Variants in DLC1 observed in about 807,000 individuals in gnomAD.
DLC1 encodes DLC1 Rho GTPase activating protein, also known as rho GTPase-activating protein 7.
Under a neutral mutation model 140.3 loss-of-function variants are expected in DLC1, and 54 were observed. That is an observed-to-expected ratio of 0.38 (90% CI 0.31 to 0.48). DLC1 has a LOEUF of 0.48. Among genes scored for constraint, DLC1 ranks in the 20% least tolerant of loss-of-function variants. The probability of loss-of-function intolerance (pLI) is 0.96; values close to 1 mark genes in which losing one functional copy is unlikely to be tolerated. For synonymous variants in DLC1, 986 were observed against 728.1 expected, an observed-to-expected ratio of 1.35 and a Z score of -5.70; for missense variants, 2,536 against 1,907.0, an observed-to-expected ratio of 1.33 and a Z score of -6.14.
At chr8:13,601,738 A>T (rs1293733566) in intron 1 of DLC1, among the ~76,000 whole-genome samples, 1 of 151,726 alleles carries the variant, frequency 6.6e-6, no homozygotes, top group South Asian at 2.1e-4. Flanking sequence ...TTTCTAAAAA[A>T]CCTGAGACAA....
In DLC1 at chr8:13,541,606, G is replaced by T. The variant is rs559423745; in HGVS notation, c.-125-41410C>A. 7.2e-5 allele frequency among the ~76,000 whole-genome samples: 11 copies of T among 152,280 alleles called. No individual in the cohort carries two copies. The South Asian group carries it at 2.3e-3, about 32-fold the overall frequency. On this transcript the variant is annotated intron_variant, in intron 1 of 1. Coordinates refer to the DLC1 transcript ENST00000631382. ...ACTCTGTCGCCAAGGCTGGTGTGCA[G>T]TGGCGCGATCTCGGCTCACTGCAAG...
intron 16 of DLC1, among the ~76,000 whole-genome samples, chr8:13,088,216 A>G (rs56728281): frequency 6.6e-6 from 1 of 152,172 alleles, no homozygotes; most frequent in Non-Finnish European, 1.5e-5. Flanking sequence ...AGTAGCTAGG[A>G]CTACAGGCAT....
intron 4 of DLC1, among the ~76,000 whole-genome samples, chr8:13,381,402 C>A (rs957910932): frequency 1.3e-5 from 2 of 152,188 alleles, no homozygotes; most frequent in African/African-American, 2.4e-5. Context: ...AATACATCCT[C>A]CAGTGATCTG....
intron 5 of DLC1, among the ~76,000 whole-genome samples, chr8:13,212,865 T>G (rs182864801): frequency 3.7e-4 from 56 of 152,334 alleles, no homozygotes; most frequent in African/African-American, 1.3e-3. Context: ...TTTGACTAAA[T>G]GTTTGTTTCT....
intron 5 of DLC1, among the ~76,000 whole-genome samples, chr8:13,144,787 A>G (rs981254199): frequency 3.3e-5 from 5 of 152,060 alleles, no homozygotes; most frequent in Non-Finnish European, 5.9e-5. Context: ...AATAAAAATA[A>G]ATTCTCTCTC....
At chr8:13,431,709 G>C (rs1008432945) in intron 2 of DLC1, among the ~76,000 whole-genome samples, 1 of 151,930 alleles carries the variant, frequency 6.6e-6, no homozygotes, top group Non-Finnish European at 1.5e-5. Context: ...TGGTCAGGGG[G>C]ATACGGACTG....
At chr8:13,244,161 A>G (rs1470506779) in intron 5 of DLC1, among the ~76,000 whole-genome samples, 1 of 152,034 alleles carries the variant, frequency 6.6e-6, no homozygotes, top group Non-Finnish European at 1.5e-5. Context: ...CTGTTTAGCT[A>G]TACTTCCTTC....
chr8:13,504,507 T>C (rs1161438282), intron 1 of DLC1, among the ~76,000 whole-genome samples: 1 of 152,156 alleles, frequency 6.6e-6, no homozygotes, highest in Non-Finnish European at 1.5e-5. Context: ...AGTCTTCCGA[T>C]TGAAGGGAAC....
chr8:13,183,934 C>G (rs947184492), intron 5 of DLC1, among the ~76,000 whole-genome samples: 73 of 152,278 alleles, frequency 4.8e-4, no homozygotes, highest in African/African-American at 1.7e-3. Context: ...GGCTGTGAAT[C>G]CATCTGGTCC....
intron 5 of DLC1, among the ~76,000 whole-genome samples, chr8:13,297,535 G>A (rs1563233442): frequency 6.6e-6 from 1 of 151,986 alleles, no homozygotes; most frequent in Non-Finnish European, 1.5e-5. Flanking sequence ...TGCAAATAGA[G>A]CAAAACATTT....
At chr8:13,193,920 A>G (rs779488517) in intron 5 of DLC1, among the ~76,000 whole-genome samples, 5 of 152,214 alleles carry the variant, frequency 3.3e-5, no homozygotes, top group Non-Finnish European at 7.3e-5. Context: ...TGACGCCGCT[A>G]AAAAATCCAC....
At chr8:13,570,715 T>A (rs1451550515) in intron 1 of DLC1, among the ~76,000 whole-genome samples, 5 of 152,094 alleles carry the variant, frequency 3.3e-5, no homozygotes, top group Admixed American at 3.3e-4. Context: ...TTTGCGTTGG[T>A]TCTCTTAACT....
chr8:13,417,545 C>A (rs75289409), intron 2 of DLC1, among the ~76,000 whole-genome samples: 4,411 of 150,498 alleles, frequency 0.029, 207 homozygotes, highest in African/African-American at 0.1. Flanking sequence ...TGAACTCATC[C>A]TTTTTTATGG....
intron 8 of DLC1, chr8:13,101,054 C>T (rs1397490679): frequency 1.6e-5 from 6 of 365,864 alleles, no homozygotes; most frequent in East Asian, 4.2e-5. Context: ...TGTGCCCAGC[C>T]CCACTTACAT....
intron 5 of DLC1, among the ~76,000 whole-genome samples, chr8:13,180,563 G>C (rs1482990046): frequency 6.6e-6 from 1 of 151,704 alleles, no homozygotes; most frequent in Non-Finnish European, 1.5e-5. Context: ...ACACAATTTT[G>C]GCAATAACTT....
intron 1 of DLC1, among the ~76,000 whole-genome samples, chr8:13,586,174 A>C (rs1805303728): frequency 6.6e-6 from 1 of 152,174 alleles, no homozygotes; most frequent in African/African-American, 2.4e-5. Context: ...TTCTCAAGTG[A>C]TTCTAATATG....
chr8:13,348,891 GA>G (rs1834500911), intron 4 of DLC1, among the ~76,000 whole-genome samples: 1 of 152,188 alleles, frequency 6.6e-6, no homozygotes, highest in South Asian at 2.1e-4. Context: ...GTGGGGATGG[GA>G]AGTCAGTAAG....
intron 5 of DLC1, among the ~76,000 whole-genome samples, chr8:13,287,829 G>T (rs1418745331): frequency 6.6e-6 from 1 of 151,418 alleles, no homozygotes; most frequent in Non-Finnish European, 1.5e-5. Flanking sequence ...AGGCAATTTT[G>T]CCAATTAAGT....
In DLC1 at chr8:13,095,157, G is replaced by T; in HGVS notation, c.3256C>A (p.Arg1086Ser). 6.2e-7 allele frequency: 1 copy of T among 1,614,254 alleles called. No homozygotes were observed. The highest frequency in any genetic ancestry group is 1.3e-5 in the African/African-American group (1 of 75,066). ...CTCTGAGGCAACGGTTGTCCTGTGCGCTGCACGTTGACCGTCAGTGGGACC... is the reference window on the plus strand; with the variant it reads ...CTCTGAGGCAACGGTTGTCCTGTGCTCTGCACGTTGACCGTCAGTGGGACC... The part of the protein sequence containing the change: ...FGVPLTVNVQ[R>S]TGQPLPQSIQ... The change falls in exon 11 of 18, where the codon CGC (arginine) becomes AGC (serine). Residue 1086 changes from arginine to serine, a missense_variant. Physicochemically the swap from Arg to Ser is moderately radical, Grantham distance 110. Coordinates refer to ENST00000276297, the MANE Select transcript of DLC1 (RefSeq NM_182643.3).
Sources: gnomAD v4.1 joint callset for allele counts (sites outside exome capture counted in the v4.1 genomes callset) on GRCh38, gnomAD v4.1.1 for gene constraint, MANE v1.5 for transcripts, NCBI Gene and HGNC (gene_info 2026-07-23, HGNC 2026-07-21) for gene names.